TSNARE1: variants seen among roughly 807,000 people sequenced by gnomAD.
TSNARE1 encodes t-SNARE domain containing 1.
Under a neutral mutation model 62.0 loss-of-function variants are expected in TSNARE1, and 49 were observed. The observed-to-expected ratio is 0.79, with a 90% CI of 0.63 to 1.00. The LOEUF is 1.00. TSNARE1 is among the 50% of genes least tolerant of loss of function. The pLI, the probability that TSNARE1 is intolerant of heterozygous loss-of-function variation, is 0.00. For synonymous variants in TSNARE1, 328 were observed against 294.4 expected (o/e 1.11, Z -1.17); for missense variants, 755 against 700.1 (o/e 1.08, Z -0.88).
intron 2 of TSNARE1, among the ~76,000 whole-genome samples, chr8:142,347,484 CCT>C (rs1336912515): frequency 2.0e-5 from 3 of 152,320 alleles, no homozygotes; most frequent in Non-Finnish European, 2.9e-5. Flanking sequence ...TCCACACCAT[CCT>C]CTCTCTGCAC....
intron 1 of TSNARE1, among the ~76,000 whole-genome samples, chr8:142,375,148 G>A (rs963713652): frequency 6.6e-6 from 1 of 152,234 alleles, no homozygotes; most frequent in Non-Finnish European, 1.5e-5. Context: ...GCCACGTGCC[G>A]GTCCTGTCCT....
intron 1 of TSNARE1, among the ~76,000 whole-genome samples, chr8:142,379,756 G>C: frequency 6.6e-6 from 1 of 152,148 alleles, no homozygotes; most frequent in East Asian, 1.9e-4. Flanking sequence ...CTTTACGGGT[G>C]GGGCCAGGGC....
chr8:142,358,779 A>G (rs1218672957), intron 1 of TSNARE1, among the ~76,000 whole-genome samples: 1 of 152,016 alleles, frequency 6.6e-6, no homozygotes, highest in Non-Finnish European at 1.5e-5. Context: ...CAGTGGGTGC[A>G]ACCCCCCCAT....
Position 142,273,484 on chromosome 8 carries a change from C to A in TSNARE1, c.1446+1297G>T, listed in dbSNP as rs563519832. The A allele has an allele frequency of 8.5e-5, 84 of 985,454 alleles. No individual in the cohort carries two copies. In the African/African-American group the frequency reaches 1.4e-3, roughly 16 times the overall value. 61.0% of individuals were successfully genotyped at this position (985,454 alleles called of 1,614,324 possible). ...AGGGCTGAGGCCAAACAGCCCAGAG[C>A]TGGCGCCAGGAGACCCAGCCCCAGC... On this transcript the variant is annotated intron_variant, in intron 12 of 13. Coordinates refer to ENST00000524325, the MANE Select transcript of TSNARE1 (RefSeq NM_145003.5).
Position 142,314,441 on chromosome 8 carries a change from C to T in TSNARE1, c.1075-1G>A. On this transcript the variant is annotated splice_acceptor_variant, in intron 8 of 13. Coordinates refer to ENST00000524325, the MANE Select transcript of TSNARE1 (RefSeq NM_145003.5). LOFTEE classifies it high-confidence loss of function. ...GCGCTCTGGACTTTTCTGCAATTTTCTGTTGAAAAAAGGACAAGAGAAGAA... is the reference window on the plus strand; with the variant it reads ...GCGCTCTGGACTTTTCTGCAATTTTTTGTTGAAAAAAGGACAAGAGAAGAA... The T allele has an allele frequency of 6.2e-7, 1 of 1,613,648 alleles. No individual in the cohort carries two copies.
chr8:142,368,255 G>A (rs1306951014), intron 1 of TSNARE1, among the ~76,000 whole-genome samples: 3 of 151,756 alleles, frequency 2.0e-5, no homozygotes, highest in African/African-American at 7.3e-5. Flanking sequence ...AAAACTACAG[G>A]GAAACAAACA....
intron 11 of TSNARE1, chr8:142,277,217 C>T: frequency 1.0e-6 from 1 of 985,394 alleles, no homozygotes; most frequent in Non-Finnish European, 1.2e-6. Flanking sequence ...GGGCCCCTTG[C>T]ACATCCCCTG....
chr8:142,399,743 C>G (rs1057330070), intron 1 of TSNARE1, among the ~76,000 whole-genome samples: 1 of 152,214 alleles, frequency 6.6e-6, no homozygotes, highest in Non-Finnish European at 1.5e-5. Flanking sequence ...GAGAGGAGGG[C>G]TGCTCAGGAG....
intron 11 of TSNARE1, chr8:142,276,219 G>A (rs184202609): frequency 6.1e-6 from 6 of 985,436 alleles, no homozygotes; most frequent in East Asian, 1.1e-4. Context: ...TGACGGCCTC[G>A]GCCGCTCCTG....
chr8:142,398,243 G>A (rs1257896721), intron 1 of TSNARE1, among the ~76,000 whole-genome samples: 34 of 93,254 alleles, frequency 3.6e-4, no homozygotes, highest in African/African-American at 9.7e-4. Flanking sequence ...CTCCCAAAGC[G>A]CACCCCCAGC....
chr8:142,369,640 C>CT (rs1835787752), intron 1 of TSNARE1, among the ~76,000 whole-genome samples: 1 of 152,212 alleles, frequency 6.6e-6, no homozygotes, highest in African/African-American at 2.4e-5. Flanking sequence ...GAAATGGAAA[C>CT]TAACAGGAGG....
Position 142,298,059 on chromosome 8 carries a change from G to T in TSNARE1, c.1290+2427C>A, listed in dbSNP as rs189362403. On this transcript the variant is annotated intron_variant, in intron 10 of 13. Transcript: ENST00000524325. ...CCAGCCCCCCTGCTACCCCCCGTCCGCACAGTGCTGAGCTGTGAGGGTCCC... is the reference window on the plus strand; with the variant it reads ...CCAGCCCCCCTGCTACCCCCCGTCCTCACAGTGCTGAGCTGTGAGGGTCCC... Among the ~76,000 whole-genome samples the T allele has an allele frequency of 2.0e-5, 3 of 152,268 alleles. No homozygotes were observed. The East Asian group carries it at 5.8e-4, about 29-fold the overall frequency.
intron 12 of TSNARE1, among the ~76,000 whole-genome samples, chr8:142,260,980 G>GGCAGCAGAAAGGGAGGTAGGAGGAAA (rs1310409886): frequency 1.4e-5 from 1 of 69,036 alleles, no homozygotes; most frequent in Non-Finnish European, 3.3e-5. Context: ...GAGGGAGGGA[G>GGCAGCAGAAAGGGAGGTAGGAGGAAA]GGAGGAGAGA....
rs1302880937 is a variant in TSNARE1 at position 142,243,301 on chromosome 8, C to T, written c.1447-13722G>A. On this transcript the variant is annotated intron_variant, in intron 12 of 13. Coordinates refer to ENST00000524325, the MANE Select transcript of TSNARE1 (RefSeq NM_145003.5). ...GTATGTCAAAGGGGACACTGGCACG[C>T]CCATGTTTATCGCTGCCCTATTCAC... Among the ~76,000 whole-genome samples, 6 of 152,284 alleles carry T rather than the reference C, an allele frequency of 3.9e-5. No individual in the cohort carries two copies. The East Asian group carries it at 1.2e-3, about 29-fold the overall frequency.
intron 10 of TSNARE1, among the ~76,000 whole-genome samples, chr8:142,284,888 G>A (rs1038131268): frequency 2.6e-5 from 4 of 152,224 alleles, no homozygotes; most frequent in African/African-American, 4.8e-5. Context: ...GACTGCAAGA[G>A]AGCAGAGAAT....
chr8:142,270,467 A>G, intron 12 of TSNARE1: 1 of 964,704 alleles, frequency 1.0e-6, no homozygotes, highest in Non-Finnish European at 1.2e-6. Context: ...ATACAGTACC[A>G]AGTAATATAT....
At chr8:142,393,646 C>A (rs1372962886) in intron 1 of TSNARE1, among the ~76,000 whole-genome samples, 1 of 152,242 alleles carries the variant, frequency 6.6e-6, no homozygotes, top group African/African-American at 2.4e-5. Flanking sequence ...GGTCTGACTC[C>A]CCGAGCACCT....
chr8:142,249,025 G>A (rs750012032), intron 12 of TSNARE1, among the ~76,000 whole-genome samples: 2 of 152,244 alleles, frequency 1.3e-5, no homozygotes, highest in Admixed American at 6.5e-5. Flanking sequence ...CTCAAAGCCT[G>A]AGTCTCCATC....
chr8:142,338,737 C>A (rs1456255051), intron 4 of TSNARE1, among the ~76,000 whole-genome samples: 1 of 152,250 alleles, frequency 6.6e-6, no homozygotes, highest in Non-Finnish European at 1.5e-5. Context: ...AAAGCCCAGT[C>A]AAGACAGTGT....
Sources: allele counts gnomAD v4.1 joint callset (sites outside exome capture counted in the v4.1 genomes callset), GRCh38; gene constraint gnomAD v4.1.1; transcripts MANE v1.5; gene names NCBI Gene and HGNC (gene_info 2026-07-23, HGNC 2026-07-21).